The following BMERB1 variants were observed in gnomAD, a reference collection of about 807,000 sequenced individuals.
The protein encoded by BMERB1 is bMERB domain-containing protein 1.
Under a neutral mutation model 23.6 loss-of-function variants are expected in BMERB1, and 12 were observed. That is an observed-to-expected ratio of 0.51 (90% CI 0.33 to 0.82). BMERB1 has a LOEUF of 0.82. Among genes scored for constraint, BMERB1 ranks in the 40% least tolerant of loss-of-function variants. The probability of loss-of-function intolerance (pLI) is 0.03; values close to 1 mark genes in which losing one functional copy is unlikely to be tolerated. For missense variants in BMERB1, 247 were observed against 255.4 expected (o/e 0.97, Z 0.22); for synonymous variants, 122 against 96.6 (o/e 1.26, Z -1.54).
chr16:15,523,083 G>A (rs529008682), intron 2 of BMERB1, among the ~76,000 whole-genome samples: 13 of 152,176 alleles, frequency 8.5e-5, no homozygotes, highest in Non-Finnish European at 1.6e-4. Context: ...AGGGGATGGA[G>A]TGGGAAGGTT....
At chr16:15,517,136 A>G (rs148385289) in intron 2 of BMERB1, among the ~76,000 whole-genome samples, 21 of 152,376 alleles carry the variant, frequency 1.4e-4, no homozygotes, top group African/African-American at 1.7e-4. Flanking sequence ...GCTAAGAAAT[A>G]TCTTCCCTTT....
At chr16:15,575,881 A>C (rs1042415855) in intron 3 of BMERB1, among the ~76,000 whole-genome samples, 2 of 151,936 alleles carry the variant, frequency 1.3e-5, no homozygotes, top group Non-Finnish European at 2.9e-5. Context: ...ACAGAAAAGG[A>C]GGAGGGTTTG....
intron 1 of BMERB1, among the ~76,000 whole-genome samples, chr16:15,504,356 C>T (rs1478254892): frequency 6.6e-6 from 1 of 152,054 alleles, no homozygotes; most frequent in Admixed American, 6.5e-5. Flanking sequence ...AACAATGCAC[C>T]AATGTCAACT....
chr16:15,558,277 GA>G (rs1348414944), intron 2 of BMERB1, among the ~76,000 whole-genome samples: 1 of 152,118 alleles, frequency 6.6e-6, no homozygotes, highest in African/African-American at 2.4e-5. Context: ...GGAGGCAGGA[GA>G]AAAGGTCTCA....
intron 1 of BMERB1, among the ~76,000 whole-genome samples, chr16:15,476,792 T>C (rs989058773): frequency 1.3e-5 from 2 of 152,126 alleles, no homozygotes; most frequent in African/African-American, 4.8e-5. Context: ...TACCACCTTC[T>C]TCCACTGGGT....
intron 1 of BMERB1, among the ~76,000 whole-genome samples, chr16:15,487,302 A>G (rs556853865): frequency 2.0e-5 from 3 of 152,318 alleles, no homozygotes; most frequent in South Asian, 2.1e-4. Flanking sequence ...TGTTTTATCA[A>G]GTTTGCCAGC....
intron 1 of BMERB1, among the ~76,000 whole-genome samples, chr16:15,492,529 A>G (rs570638076): frequency 8.9e-4 from 136 of 152,280 alleles, no homozygotes; most frequent in African/African-American, 3.1e-3. Flanking sequence ...AAACTTTACA[A>G]TGGAGAAACC....
At chr16:15,535,114 C>G (rs1359979570) in intron 2 of BMERB1, among the ~76,000 whole-genome samples, 1 of 152,102 alleles carries the variant, frequency 6.6e-6, no homozygotes, top group Non-Finnish European at 1.5e-5. Flanking sequence ...CTTTGAGAGG[C>G]TTAGGTGGGA....
intron 1 of BMERB1, among the ~76,000 whole-genome samples, chr16:15,445,079 G>A (rs899288150): frequency 6.6e-6 from 1 of 152,104 alleles, no homozygotes; most frequent in Admixed American, 6.6e-5. Flanking sequence ...TTTTTGTAGA[G>A]GTGGGGTCTT....
intron 2 of BMERB1, among the ~76,000 whole-genome samples, chr16:15,528,617 AC>A (rs1233388121): frequency 7.6e-5 from 10 of 130,978 alleles, no homozygotes; most frequent in Admixed American, 6.9e-4. Context: ...CCACCTCCCC[AC>A]CCCCCGATAC....
chr16:15,566,879 G>A (rs1027283251), intron 2 of BMERB1, among the ~76,000 whole-genome samples: 1 of 151,906 alleles, frequency 6.6e-6, no homozygotes, highest in Non-Finnish European at 1.5e-5. Flanking sequence ...ATAAGCATAC[G>A]CTTTTTTTTT....
intron 2 of BMERB1, among the ~76,000 whole-genome samples, chr16:15,546,609 C>T (rs554391181): frequency 5.3e-5 from 8 of 152,170 alleles, no homozygotes; most frequent in Admixed American, 6.5e-5. Flanking sequence ...AGCTTACATA[C>T]CTTCTAAACT....
At chr16:15,476,718 G>A (rs2150933714) in intron 1 of BMERB1, among the ~76,000 whole-genome samples, 1 of 152,352 alleles carries the variant, frequency 6.6e-6, no homozygotes, top group South Asian at 2.1e-4. Context: ...CTGAAGGGGA[G>A]GGGAGAGAGA....
At chr16:15,438,057 G>C (rs1281071628) in intron 1 of BMERB1, among the ~76,000 whole-genome samples, 1 of 152,018 alleles carries the variant, frequency 6.6e-6, no homozygotes, top group East Asian at 1.9e-4. Flanking sequence ...AACAGCTCCT[G>C]ATCTGTACTT....
At chr16:15,548,987 G>A (rs2030003187) in intron 2 of BMERB1, among the ~76,000 whole-genome samples, 1 of 151,998 alleles carries the variant, frequency 6.6e-6, no homozygotes, top group Admixed American at 6.6e-5. Context: ...GCTTCCCCGG[G>A]GCCTGCAGAT....
intron 1 of BMERB1, among the ~76,000 whole-genome samples, chr16:15,480,585 T>A (rs945949831): frequency 3.4e-5 from 5 of 147,640 alleles, no homozygotes; most frequent in South Asian, 2.1e-4. Flanking sequence ...TATTTGTTCA[T>A]CCATATGCCA....
chr16:15,531,562 C>T (rs2051967538), intron 2 of BMERB1, among the ~76,000 whole-genome samples: 2 of 152,154 alleles, frequency 1.3e-5, no homozygotes, highest in African/African-American at 4.8e-5. Context: ...AGAGACGGCC[C>T]TGGTGAGGCT....
chr16:15,456,273 T>C (rs1350684333), intron 1 of BMERB1, among the ~76,000 whole-genome samples: 1 of 152,182 alleles, frequency 6.6e-6, no homozygotes, highest in Non-Finnish European at 1.5e-5. Context: ...ATCAGTCTTC[T>C]TTTTTTATTC....
intron 1 of BMERB1, among the ~76,000 whole-genome samples, chr16:15,463,738 C>A (rs2051156876): frequency 6.6e-6 from 1 of 152,082 alleles, no homozygotes; most frequent in African/African-American, 2.4e-5. Context: ...TGACCCCCAT[C>A]CCCACCCCAG....
Sources: allele counts gnomAD v4.1 joint callset (sites outside exome capture counted in the v4.1 genomes callset), GRCh38; gene constraint gnomAD v4.1.1; transcripts MANE v1.5; gene names NCBI Gene and HGNC (gene_info 2026-07-23, HGNC 2026-07-21).